Variants in KLF7 observed in about 807,000 individuals in gnomAD.
KLF7 encodes KLF transcription factor 7.
A neutral mutation model predicts 27.3 loss-of-function variants in KLF7; 2 were observed. The ratio of observed to expected loss-of-function variants is 0.07; its 90% CI spans 0.03 to 0.23. The LOEUF is 0.23. KLF7 is among the 10% of genes least tolerant of loss of function. The pLI is 1.00. For missense variants in KLF7, 221 were observed against 394.1 expected (o/e 0.56, Z 3.72); for synonymous variants, 165 against 162.4 (o/e 1.02, Z -0.12).
At chr2:207,122,466 A>C (rs1402235096) in intron 2 of KLF7, among the ~76,000 whole-genome samples, 1 of 152,166 alleles carries the variant, frequency 6.6e-6, no homozygotes, top group Admixed American at 6.5e-5. Flanking sequence ...GAACTTCAGG[A>C]AAGTTCTTCT....
chr2:207,151,206 G>T (rs974400502), intron 1 of KLF7, among the ~76,000 whole-genome samples: 1 of 152,136 alleles, frequency 6.6e-6, no homozygotes, highest in Non-Finnish European at 1.5e-5. Context: ...CTGCGCTTAT[G>T]AAGCCCTGTG....
In KLF7 at chr2:207,124,044, G is replaced by T. The variant is rs1246647197; in HGVS notation, c.463C>A (p.Leu155Ile). The T allele has an allele frequency of 1.1e-5, 17 of 1,614,168 alleles. No homozygotes were observed. Among genetic ancestry groups the T allele is most frequent in the Non-Finnish European group, 1.4e-5 (17 of 1,180,036 alleles). ...GTCACCGTGCCATCCACGGCAGAGA[G>T]AGTTTGTGAGGTTTTGACCAGATGG... ...SRHLVKTSQT[L>I]SAVDGTVTLK... Residue 155 changes from leucine (L) to isoleucine (I), a missense_variant, in exon 2 of 4, where the codon CTC (leucine) becomes ATC (isoleucine). By Grantham distance (5) the Leu-to-Ile change is conservative. This residue lies in a region of KLF7 where 180 missense variants were observed against 227.9 expected (regional missense o/e 0.79). Coordinates refer to ENST00000309446, the MANE Select transcript of KLF7 (RefSeq NM_003709.4).
chr2:207,165,725 A>T lies in KLF7; in HGVS notation c.-157T>A. The stretch of plus-strand genomic sequence containing the variant: ...CAGTCAACTAAAAAGGAAAAAAAAA[A>T]ATCAATGCAGGAGAGGGAGAGAGGA... On this transcript the variant is annotated 5_prime_UTR_variant, in exon 1 of 4. Transcript: ENST00000309446. 6.9e-7 allele frequency: 1 copy of T among 1,457,570 alleles called. No individual in the cohort carries two copies. The highest frequency in any genetic ancestry group is 9.0e-7 in the Non-Finnish European group (1 of 1,112,362). 90.3% of individuals were successfully genotyped at this position (1,457,570 alleles called of 1,614,324 possible). A position where few individuals can be genotyped will look rare whatever the true frequency, so the allele number is the denominator to read the frequency against.
intron 1 of KLF7, among the ~76,000 whole-genome samples, chr2:207,135,918 T>A (rs2077772184): frequency 6.6e-6 from 1 of 152,212 alleles, no homozygotes; most frequent in Non-Finnish European, 1.5e-5. Flanking sequence ...AGTATGCACC[T>A]GTGTTGGAAG....
At position 207,084,240 on chromosome 2, in the gene KLF7, G is replaced by C. The variant is rs182696184; in HGVS notation, c.858-2976C>G. ...TTTGAGATGGTAAGGAGTGAAGAGA[G>C]GGCCTGGCAGTGGGAAACCCCTTTC... is the stretch of plus-strand genomic sequence containing the variant. On this transcript the variant is annotated intron_variant, in intron 3 of 3. Transcript: ENST00000309446. Among the ~76,000 whole-genome samples the C allele has an allele frequency of 3.3e-5, 5 of 152,204 alleles. No individual in the cohort carries two copies. The East Asian group carries it at 9.7e-4, about 29-fold the overall frequency.
In KLF7 at chr2:207,133,746, G is replaced by T. The variant is rs190426969; in HGVS notation, c.103-9342C>A. On this transcript the variant is annotated intron_variant, in intron 1 of 3. Coordinates refer to ENST00000309446, the MANE Select transcript of KLF7 (RefSeq NM_003709.4). ...GCCTCCTGCCTCTTAAGAGGGGGAG[G>T]GGGGGAGCCATCATTGAAAACCCAA... Among the ~76,000 whole-genome samples the T allele has an allele frequency of 2.3e-3, 352 of 152,096 alleles. 2 individuals are homozygous for T. Among genetic ancestry groups the T allele is most frequent in the African/African-American group, 7.7e-3 (319 of 41,480 alleles).
intron 1 of KLF7, among the ~76,000 whole-genome samples, chr2:207,159,639 C>T (rs1244852537): frequency 1.3e-5 from 2 of 152,188 alleles, no homozygotes; most frequent in South Asian, 2.1e-4. Context: ...TGAATATAAA[C>T]AACAAAAATC....
chr2:207,128,024 A>G (rs1224387107), intron 1 of KLF7, among the ~76,000 whole-genome samples: 1 of 152,220 alleles, frequency 6.6e-6, no homozygotes, highest in Non-Finnish European at 1.5e-5. Flanking sequence ...TAACCCCAGG[A>G]GCAATGAGCA....
chr2:207,154,304 A>C (rs986587234), intron 1 of KLF7, among the ~76,000 whole-genome samples: 2 of 151,986 alleles, frequency 1.3e-5, no homozygotes, highest in African/African-American at 2.4e-5. Context: ...CTGGCTCTTA[A>C]AAAAAATAAC....
In KLF7 at chr2:207,081,581, T is replaced by C. The variant is rs113593031; in HGVS notation, c.858-317A>G. The stretch of plus-strand genomic sequence containing the variant: ...AATGAGATGATCTATGCAAGGTACT[T>C]AGAATACGGACTGGCACATCGTAGG... On this transcript the variant is annotated intron_variant, in intron 3 of 3. Coordinates refer to ENST00000309446, the MANE Select transcript of KLF7 (RefSeq NM_003709.4). 1.5e-3 allele frequency among the ~76,000 whole-genome samples: 232 copies of C among 152,336 alleles called. 4 individuals carry two copies. Among genetic ancestry groups the C allele is most frequent in the African/African-American group, 5.3e-3 (221 of 41,584 alleles).
At chr2:207,103,760 C>G (rs183186087) in intron 2 of KLF7, among the ~76,000 whole-genome samples, 2 of 152,356 alleles carry the variant, frequency 1.3e-5, no homozygotes, top group East Asian at 3.9e-4. Context: ...CAAAATAGAG[C>G]TAATCCCTTC....
At chr2:207,114,069 A>C (rs1451133138) in intron 2 of KLF7, among the ~76,000 whole-genome samples, 3 of 152,236 alleles carry the variant, frequency 2.0e-5, no homozygotes, top group Non-Finnish European at 4.4e-5. Context: ...ATTTACGTGC[A>C]AGTGAAACAA....
At chr2:207,106,426 CAT>C (rs536931300) in intron 2 of KLF7, among the ~76,000 whole-genome samples, 1 of 152,118 alleles carries the variant, frequency 6.6e-6, no homozygotes, top group Non-Finnish European at 1.5e-5. Context: ...AAATGTAAAA[CAT>C]ATTTAGAAAG....
chr2:207,167,308 G>T, upstream of KLF7: 1 of 470,770 alleles, frequency 2.1e-6, no homozygotes, highest in Non-Finnish European at 3.4e-6. Context: ...ACCTTAAATG[G>T]TTAGTGTGGT....
intron 2 of KLF7, among the ~76,000 whole-genome samples, chr2:207,109,230 C>T (rs2076963419): frequency 6.6e-6 from 1 of 152,120 alleles, no homozygotes; most frequent in South Asian, 2.1e-4. Flanking sequence ...TTAAGTTCAA[C>T]CAAAATAGAC....
At chr2:207,126,068 T>C (rs552381864) in intron 1 of KLF7, among the ~76,000 whole-genome samples, 1 of 152,336 alleles carries the variant, frequency 6.6e-6, no homozygotes, top group African/African-American at 2.4e-5. Context: ...AAATAATAGC[T>C]CTGACTCAGT....
chr2:207,133,023 T>C (rs2077679666), intron 1 of KLF7, among the ~76,000 whole-genome samples: 1 of 152,164 alleles, frequency 6.6e-6, no homozygotes, highest in Non-Finnish European at 1.5e-5. Context: ...TTAAGAAGAA[T>C]TGCTCACTAT....
upstream of KLF7, among the ~76,000 whole-genome samples, chr2:207,168,048 T>G (rs185559236): frequency 6.4e-4 from 97 of 151,736 alleles, 1 homozygote; most frequent in Non-Finnish European, 1.1e-3. Flanking sequence ...CCCCATGCTA[T>G]TTCAACTGGG....
intron 1 of KLF7, among the ~76,000 whole-genome samples, chr2:207,141,744 C>G (rs2077948577): frequency 6.6e-6 from 1 of 152,116 alleles, no homozygotes; most frequent in African/African-American, 2.4e-5. Flanking sequence ...CCTTCTGTTT[C>G]AAATGAAAGC....
Sources: gnomAD v4.1 joint callset for allele counts (sites outside exome capture counted in the v4.1 genomes callset) on GRCh38, gnomAD v4.1.1 for gene constraint, gnomAD v4.1.1 regional missense constraint, MANE v1.5 for transcripts, NCBI Gene and HGNC (gene_info 2026-07-23, HGNC 2026-07-21) for gene names.